The following RTN3 variants were observed in gnomAD, a reference collection of about 807,000 sequenced individuals.
RTN3 encodes reticulon-3.
RTN3 carries 49 observed loss-of-function variants against 77.8 expected under a neutral mutation model. The ratio of observed to expected loss-of-function variants is 0.63; its 90% confidence interval spans 0.50 to 0.80. The LOEUF (loss-of-function observed/expected upper bound fraction) is 0.80. Ranked by LOEUF, RTN3 falls within the 30% of genes least tolerant of loss-of-function variation. The pLI is 0.00. For synonymous variants in RTN3, 464 were observed against 446.9 expected, an observed-to-expected ratio of 1.04 and a Z score of -0.48; for missense variants, 1,236 against 1,211.9, an observed-to-expected ratio of 1.02 and a Z score of -0.29.
chr11:63,730,207 TC>T (rs1479513220), intron 3 of RTN3, among the ~76,000 whole-genome samples: 2 of 152,128 alleles, frequency 1.3e-5, no homozygotes, highest in Non-Finnish European at 2.9e-5. Context: ...CCTCTAGTGA[TC>T]CACCCTCCTC....
chr11:63,709,541 A>C (rs1361455162), intron 2 of RTN3, among the ~76,000 whole-genome samples: 1 of 152,042 alleles, frequency 6.6e-6, no homozygotes, highest in Non-Finnish European at 1.5e-5. Flanking sequence ...CTTTGGGGGC[A>C]AGCATTGAGG....
chr11:63,751,479 T>C (rs1245275472), intron 4 of RTN3, among the ~76,000 whole-genome samples: 1 of 152,212 alleles, frequency 6.6e-6, no homozygotes, highest in African/African-American at 2.4e-5. Flanking sequence ...AACTAATGTT[T>C]TCTTCACACT....
chr11:63,704,446 C>A (rs1348640205), intron 1 of RTN3, among the ~76,000 whole-genome samples: 1 of 152,130 alleles, frequency 6.6e-6, no homozygotes. Context: ...TAGTGACTTA[C>A]CTCCTCAAAA....
chr11:63,750,669 C>T (rs186025311), intron 4 of RTN3, among the ~76,000 whole-genome samples: 1 of 151,880 alleles, frequency 6.6e-6, no homozygotes, highest in Admixed American at 6.6e-5. Context: ...TCAGGCTGGT[C>T]TCAAACTTCT....
intron 1 of RTN3, among the ~76,000 whole-genome samples, chr11:63,690,803 C>T (rs1203476489): frequency 1.3e-5 from 2 of 152,186 alleles, no homozygotes; most frequent in Non-Finnish European, 2.9e-5. Context: ...CAGCTTTTGA[C>T]ATAATTGATT....
intron 2 of RTN3, among the ~76,000 whole-genome samples, chr11:63,711,024 AT>A (rs1019981123): frequency 3.9e-5 from 6 of 152,258 alleles, no homozygotes; most frequent in Admixed American, 6.5e-5. Context: ...CACATCTGTA[AT>A]CCCAGCACTT....
chr11:63,758,422 A>G lies in RTN3; in HGVS notation c.*221A>G. ...GAACTATCTTAGAACTCAGAAGAAG[A>G]AAGAATCAAATTCATAGGATAAGTC... is the stretch of plus-strand genomic sequence containing the variant. On this transcript the variant is annotated 3_prime_UTR_variant, in exon 9 of 9. Coordinates refer to ENST00000377819, the MANE Select transcript of RTN3 (RefSeq NM_001265589.2). The G allele has an allele frequency of 7.6e-7, 1 of 1,315,810 alleles. No homozygotes were observed. Among genetic ancestry groups the G allele is most frequent in the Admixed American group, 2.4e-5 (1 of 41,896 alleles). 81.5% of individuals were successfully genotyped at this position (1,315,810 alleles called of 1,614,324 possible). A position where few individuals can be genotyped will look rare whatever the true frequency, so the allele number is the denominator to read the frequency against.
Position 63,752,551 on chromosome 11 carries a change from A to G in RTN3, c.2783A>G (p.His928Arg). The G allele has an allele frequency of 6.2e-7, 1 of 1,613,486 alleles. No homozygotes were observed. The highest frequency in any genetic ancestry group is 8.5e-7 in the Non-Finnish European group (1 of 1,179,376). ...VDITLSSEAF[H>R]NYMNAAMVHI... ...ATTACTCTGTCCTCAGAAGCTTTCC[A>G]TAATTACATGAATGCTGCCATGGTG... Residue 928 changes from histidine to arginine, a missense_variant, in exon 5 of 9, where the codon CAT (histidine) becomes CGT (arginine). His to Arg is a conservative substitution (Grantham distance 29). Around this residue, in one of 3 missense-constraint regions of RTN3, gnomAD observed 141 missense variants for 154.9 expected, o/e 0.91. Coordinates refer to ENST00000377819, the MANE Select transcript of RTN3 (RefSeq NM_001265589.2).
intron 3 of RTN3, among the ~76,000 whole-genome samples, chr11:63,738,578 G>A (rs1329264783): frequency 6.6e-6 from 1 of 150,784 alleles, no homozygotes; most frequent in African/African-American, 2.4e-5. Flanking sequence ...GGAAGTCGAG[G>A]CTACAGTGAG....
intron 3 of RTN3, among the ~76,000 whole-genome samples, chr11:63,724,875 G>A (rs2012125739): frequency 6.6e-6 from 1 of 151,574 alleles, no homozygotes; most frequent in East Asian, 1.9e-4. Context: ...CAGATATCTC[G>A]GTGTCTTAAC....
Position 63,720,202 on chromosome 11 carries a change from A to G in RTN3, c.1700A>G (p.Asp567Gly), listed in dbSNP as rs760235190. Residue 567 changes from aspartate to glycine, a missense_variant, in exon 3 of 9, where the codon GAT (aspartate) becomes GGT (glycine). Asp to Gly is a moderately conservative substitution (Grantham distance 94). Transcript: ENST00000377819. ...ELVSDSELHQ[D>G]QPDILGRSPA... ...GTCAGTGACTCTGAGCTGCATCAAGATCAGCCTGATATTCTTGGAAGGAGT... is the reference window on the plus strand; with the variant it reads ...GTCAGTGACTCTGAGCTGCATCAAGGTCAGCCTGATATTCTTGGAAGGAGT... The G allele has an allele frequency of 6.8e-6, 11 of 1,614,054 alleles. No individual in the cohort carries two copies. The highest frequency in any genetic ancestry group is 6.7e-5 in the Admixed American group (4 of 59,994).
intron 2 of RTN3, among the ~76,000 whole-genome samples, chr11:63,718,131 A>G (rs2011509733): frequency 6.6e-6 from 1 of 152,138 alleles, no homozygotes; most frequent in Non-Finnish European, 1.5e-5. Flanking sequence ...ATAGAATAGA[A>G]TAATTCTAGT....
At chr11:63,697,554 C>G (rs1026631073) in intron 1 of RTN3, among the ~76,000 whole-genome samples, 1 of 152,060 alleles carries the variant, frequency 6.6e-6, no homozygotes, top group Admixed American at 6.6e-5. Flanking sequence ...TGGCTCACTG[C>G]AACCTCTGCC....
At position 63,758,129 on chromosome 11, in the gene RTN3, TTC is replaced by T. The variant is rs1220669329; in HGVS notation, c.3054-25_3054-24del. The stretch of plus-strand genomic sequence containing the variant: ...GCAAATGCTAATGTTTTCACTTTCT[TTC>T]TTTTTCCCCTCCTTTTCTCAATAGG... On this transcript the variant is annotated intron_variant, in intron 8 of 8. Coordinates refer to ENST00000377819, the MANE Select transcript of RTN3 (RefSeq NM_001265589.2). The T allele has an allele frequency of 3.4e-6, 5 of 1,487,774 alleles. No individual in the cohort carries two copies. The African/African-American group carries it at 5.6e-5, about 17-fold the overall frequency. 92.2% of individuals were successfully genotyped at this position (1,487,774 alleles called of 1,614,324 possible).
intron 7 of RTN3, among the ~76,000 whole-genome samples, chr11:63,755,795 TA>T (rs2135067051): frequency 6.8e-6 from 1 of 146,592 alleles, no homozygotes; most frequent in Non-Finnish European, 1.5e-5. Flanking sequence ...CCGTCTCTAC[TA>T]AAAATATAAA....
At chr11:63,751,143 T>C (rs1300650517) in intron 4 of RTN3, among the ~76,000 whole-genome samples, 2 of 152,180 alleles carry the variant, frequency 1.3e-5, no homozygotes, top group Non-Finnish European at 2.9e-5. Flanking sequence ...TGCATGGGAT[T>C]ACTATGCATG....
chr11:63,720,364 A>T lies in RTN3; in HGVS notation c.1862A>T (p.Asn621Ile), dbSNP rs1455787206. The change falls in exon 3 of 9, where the codon AAT becomes ATT. Residue 621 changes from asparagine to isoleucine, a missense_variant. By Grantham distance (149) the Asn-to-Ile change is moderately radical. Coordinates refer to ENST00000377819, the MANE Select transcript of RTN3 (RefSeq NM_001265589.2). ...LPSTVSPNVF[N>I]ETEFSLNVTT... ...TCAACAGTGTCTCCAAATGTTTTTAATGAGACAGAATTCTCATTAAATGTG... is the reference window on the plus strand; with the variant it reads ...TCAACAGTGTCTCCAAATGTTTTTATTGAGACAGAATTCTCATTAAATGTG... 8 of 1,614,102 alleles carry T rather than the reference A, an allele frequency of 5.0e-6. No homozygotes were observed. In the East Asian group the frequency reaches 1.8e-4, roughly 36 times the overall value.
At chr11:63,682,237 TAATC>T (rs1014851891) in intron 1 of RTN3, among the ~76,000 whole-genome samples, 2 of 152,238 alleles carry the variant, frequency 1.3e-5, no homozygotes, top group African/African-American at 4.8e-5. Context: ...GGTGTTGACA[TAATC>T]AAGCATTCAT....
intron 1 of RTN3, among the ~76,000 whole-genome samples, chr11:63,685,410 C>G (rs1347831538): frequency 6.8e-6 from 1 of 146,246 alleles, no homozygotes; most frequent in Non-Finnish European, 1.5e-5. Flanking sequence ...ACAGGAAAAT[C>G]ACTTGAACCC....
Sources: allele counts gnomAD v4.1 joint callset (sites outside exome capture counted in the v4.1 genomes callset), GRCh38; gene constraint gnomAD v4.1.1; regional missense constraint gnomAD v4.1.1; transcripts MANE v1.5; gene names NCBI Gene and HGNC (gene_info 2026-07-23, HGNC 2026-07-21).